Variants in FAM13A observed in about 807,000 individuals in gnomAD.
The protein encoded by FAM13A is protein FAM13A.
Under a neutral mutation model 129.6 loss-of-function variants are expected in FAM13A, and 76 were observed. The observed-to-expected ratio is 0.59, with a 90% CI of 0.49 to 0.71. The LOEUF is 0.71. Ranked by LOEUF, FAM13A falls within the 30% of genes least tolerant of loss-of-function variation. FAM13A has a pLI of 0.00. For synonymous variants in FAM13A, 443 were observed against 449.9 expected (o/e 0.98, Z 0.20); for missense variants, 1,108 against 1,249.3 (o/e 0.89, Z 1.70).
chr4:88,975,450 C>A (rs1163963798), intron 4 of FAM13A, among the ~76,000 whole-genome samples: 1 of 152,068 alleles, frequency 6.6e-6, no homozygotes, highest in African/African-American at 2.4e-5. Context: ...TGTGTATATA[C>A]CTAAATTTTC....
chr4:89,002,052 A>T (rs1287137862), intron 3 of FAM13A, among the ~76,000 whole-genome samples: 1 of 152,050 alleles, frequency 6.6e-6, no homozygotes, highest in Non-Finnish European at 1.5e-5. Context: ...TGGGGGTAAA[A>T]AAAAAAGGCA....
intron 5 of FAM13A, among the ~76,000 whole-genome samples, chr4:88,908,543 T>C (rs1400154758): frequency 1.3e-5 from 2 of 152,220 alleles, no homozygotes; most frequent in Non-Finnish European, 2.9e-5. Flanking sequence ...TATTCTATTT[T>C]CCAGCCCTGT....
At chr4:88,977,574 T>G (rs547060384) in intron 4 of FAM13A, among the ~76,000 whole-genome samples, 2 of 152,312 alleles carry the variant, frequency 1.3e-5, no homozygotes, top group South Asian at 4.1e-4. Context: ...TTATTTCATA[T>G]AGAAATTCAA....
intron 10 of FAM13A, among the ~76,000 whole-genome samples, chr4:88,784,466 A>C (rs1723587997): frequency 6.6e-6 from 1 of 152,132 alleles, no homozygotes; most frequent in Admixed American, 6.5e-5. Context: ...CATAACTTGG[A>C]TTTCACTGAA....
chr4:88,948,778 C>T (rs1048803794), intron 4 of FAM13A, among the ~76,000 whole-genome samples: 39 of 152,036 alleles, frequency 2.6e-4, no homozygotes, highest in African/African-American at 8.9e-4. Context: ...TGTGAGTCAC[C>T]GTGCCAGCCT....
intron 11 of FAM13A, among the ~76,000 whole-genome samples, chr4:88,769,804 C>G (rs1275189444): frequency 4.6e-5 from 7 of 151,506 alleles, no homozygotes; most frequent in Non-Finnish European, 8.8e-5. Flanking sequence ...GCACTCCAGC[C>G]TGGCGACAGA....
chr4:89,022,885 A>G (rs1767456137), intron 2 of FAM13A, among the ~76,000 whole-genome samples: 1 of 152,084 alleles, frequency 6.6e-6, no homozygotes, highest in South Asian at 2.1e-4. Context: ...CTCACAAGTA[A>G]CAGAATCCTG....
chr4:88,895,867 C>T (rs1746208035), intron 6 of FAM13A, among the ~76,000 whole-genome samples: 1 of 141,802 alleles, frequency 7.1e-6, no homozygotes, highest in African/African-American at 2.7e-5. Flanking sequence ...TGTGGCGATT[C>T]CTCAGGGATC....
At chr4:88,980,496 G>A (rs867047372) in intron 4 of FAM13A, among the ~76,000 whole-genome samples, 1 of 152,184 alleles carries the variant, frequency 6.6e-6, no homozygotes, top group Non-Finnish European at 1.5e-5. Context: ...GCTACATAGG[G>A]CTAGTGCAGA....
chr4:88,935,562 A>G (rs930509176), intron 5 of FAM13A, among the ~76,000 whole-genome samples: 7 of 152,176 alleles, frequency 4.6e-5, no homozygotes, highest in African/African-American at 1.7e-4. Context: ...AAAAATGAAC[A>G]GAAAGATAAC....
In FAM13A at chr4:88,961,347, C is replaced by CTTTTT. The variant is rs773764813; in HGVS notation, c.606-23111_606-23107dup. ...AAATCCTCAGCTTTGTGGAATTTGC[C>CTTTTT]TTTTTTTTTTTTTTTTTTTTTTTTT... On this transcript the variant is annotated intron_variant, in intron 4 of 23. Coordinates refer to ENST00000264344, the MANE Select transcript of FAM13A (RefSeq NM_014883.4). 2.7e-4 allele frequency among the ~76,000 whole-genome samples: 15 copies of CTTTTT among 55,440 alleles called. 3 individuals are homozygous for CTTTTT. The highest frequency in any genetic ancestry group is 5.0e-4 in the South Asian group (1 of 2,006). 36.4% of individuals were successfully genotyped at this position (55,440 alleles called of 152,430 possible).
At chr4:88,745,169 G>A (rs925556083) in intron 19 of FAM13A, among the ~76,000 whole-genome samples, 2 of 151,224 alleles carry the variant, frequency 1.3e-5, no homozygotes, top group Admixed American at 6.6e-5. Flanking sequence ...ATAAACGTCT[G>A]TGTGTGTGTG....
chr4:88,774,008 C>A (rs1279114870), intron 11 of FAM13A, among the ~76,000 whole-genome samples: 1 of 152,144 alleles, frequency 6.6e-6, no homozygotes, highest in African/African-American at 2.4e-5. Flanking sequence ...ACCTCTGCTA[C>A]ATCTTTGACC....
At chr4:88,989,515 C>G (rs1762687235) in intron 4 of FAM13A, 1 of 152,304 alleles carries the variant, frequency 6.6e-6, no homozygotes, top group Admixed American at 6.5e-5. Context: ...AGTGGGAGGA[C>G]TGCTTGAGCC....
chr4:88,933,391 T>C (rs1221982680), intron 5 of FAM13A, among the ~76,000 whole-genome samples: 1 of 152,076 alleles, frequency 6.6e-6, no homozygotes, highest in Non-Finnish European at 1.5e-5. Flanking sequence ...TCTGGGTAAA[T>C]TCAGGGTCAA....
intron 5 of FAM13A, among the ~76,000 whole-genome samples, chr4:88,924,235 C>T (rs1197022637): frequency 7.2e-5 from 11 of 152,098 alleles, no homozygotes; most frequent in Admixed American, 1.3e-4. Flanking sequence ...AAAAAGAGCC[C>T]GCATCGCCAA....
intron 11 of FAM13A, among the ~76,000 whole-genome samples, chr4:88,773,592 T>C (rs1721113335): frequency 6.6e-6 from 1 of 152,166 alleles, no homozygotes; most frequent in African/African-American, 2.4e-5. Flanking sequence ...CTCATCTGCT[T>C]ACCCCCTAAA....
intron 3 of FAM13A, among the ~76,000 whole-genome samples, chr4:89,018,638 G>A (rs966988043): frequency 9.2e-5 from 14 of 152,252 alleles, no homozygotes; most frequent in African/African-American, 3.4e-4. Flanking sequence ...AGGCCACAAA[G>A]ATATTTAAGC....
intron 23 of FAM13A, chr4:88,730,009 A>T (rs1737305272): frequency 6.6e-6 from 1 of 152,230 alleles, no homozygotes; most frequent in Non-Finnish European, 1.5e-5. Context: ...GTATAAAAAT[A>T]TATGAGACAT....
Sources: allele counts gnomAD v4.1 joint callset (sites outside exome capture counted in the v4.1 genomes callset), GRCh38; gene constraint gnomAD v4.1.1; transcripts MANE v1.5; gene names NCBI Gene and HGNC (gene_info 2026-07-23, HGNC 2026-07-21).